The following TENM4 variants were observed in gnomAD, a reference collection of about 807,000 sequenced individuals.
TENM4 encodes the protein teneurin transmembrane protein 4, also known as teneurin-4.
In TENM4, 82 loss-of-function variants were observed where a neutral mutation model predicts 243.3. The observed-to-expected ratio is 0.34, with a 90% CI of 0.28 to 0.40. The LOEUF is 0.40. Ranked by LOEUF, TENM4 falls within the 10% of genes least tolerant of loss-of-function variation. The pLI is 1.00. For synonymous variants in TENM4, 1,412 were observed against 1,456.3 expected (o/e 0.97, Z 0.69); for missense variants, 3,138 against 3,673.3 (o/e 0.85, Z 3.77).
At chr11:79,249,999 T>G (rs1855582341) in intron 2 of TENM4, among the ~76,000 whole-genome samples, 1 of 152,206 alleles carries the variant, frequency 6.6e-6, no homozygotes, top group South Asian at 2.1e-4. Flanking sequence ...TTTCTTTTCT[T>G]TTTTTAGATG....
chr11:79,418,047 T>C (rs144176586), intron 1 of TENM4, among the ~76,000 whole-genome samples: 218 of 152,306 alleles, frequency 1.4e-3, no homozygotes, highest in African/African-American at 4.9e-3. Context: ...AGTAGTGGGA[T>C]TGTCTGTCTC....
intron 4 of TENM4, among the ~76,000 whole-genome samples, chr11:79,108,435 C>A (rs998956754): frequency 2.6e-5 from 4 of 152,090 alleles, no homozygotes; most frequent in African/African-American, 9.7e-5. Context: ...CCCACAATCA[C>A]GTGAGCCAAT....
chr11:79,353,406 C>G (rs1442639909), intron 1 of TENM4, among the ~76,000 whole-genome samples: 1 of 152,146 alleles, frequency 6.6e-6, no homozygotes, highest in Non-Finnish European at 1.5e-5. Context: ...GGCTTTCTGA[C>G]CTAAGCAATC....
At chr11:79,369,591 C>A (rs1857743447) in intron 1 of TENM4, among the ~76,000 whole-genome samples, 1 of 152,146 alleles carries the variant, frequency 6.6e-6, no homozygotes, top group South Asian at 2.1e-4. Flanking sequence ...TAGCAATTTA[C>A]CAGCAAGCCT....
In TENM4 at chr11:79,440,279, G is replaced by C. The variant is rs1018574926; in HGVS notation, c.-321+230C>G. On this transcript the variant is annotated intron_variant, in intron 1 of 33. Transcript: ENST00000278550. The surrounding 1 kb of genome is among the most constrained non-coding windows in gnomAD (Gnocchi z 4.7). ...CAGGCTCCAGTCCGCGGCGGGCTCC[G>C]GGGGCTGCGGCGGCTCCAGGCTCCA... 1.2e-4 allele frequency among the ~76,000 whole-genome samples: 17 copies of C among 147,194 alleles called. No individual in the cohort carries two copies. The highest frequency in any genetic ancestry group is 1.5e-4 in the Non-Finnish European group (10 of 66,494).
At chr11:79,065,319 T>C (rs1860217036) in intron 5 of TENM4, among the ~76,000 whole-genome samples, 1 of 152,220 alleles carries the variant, frequency 6.6e-6, no homozygotes, top group Non-Finnish European at 1.5e-5. Flanking sequence ...CCAGAGTCCT[T>C]GGGCCTGGTC....
chr11:78,667,355 T>C (rs184435272), intron 32 of TENM4, among the ~76,000 whole-genome samples: 245 of 152,270 alleles, frequency 1.6e-3, no homozygotes, highest in African/African-American at 5.5e-3. Context: ...AGAAACAGGG[T>C]CCAGGTGGGG....
At chr11:79,148,866 C>T in intron 3 of TENM4, 60 bp from the exon 4 acceptor site, 1 of 602,684 alleles carries the variant, frequency 1.7e-6, no homozygotes, top group Non-Finnish European at 2.1e-6. Flanking sequence ...TTCTGATAAG[C>T]AGTAGAGAAG....
intron 3 of TENM4, among the ~76,000 whole-genome samples, chr11:79,192,510 G>A (rs1261087492): frequency 6.6e-6 from 1 of 152,108 alleles, no homozygotes; most frequent in Admixed American, 6.5e-5. Flanking sequence ...TGTCCACTCA[G>A]GGTTAAATGG....
rs150809772 is a variant in TENM4 at position 79,056,319 on chromosome 11, C to A, written c.493+8419G>T. Among the ~76,000 whole-genome samples the A allele has an allele frequency of 7.9e-5, 12 of 152,196 alleles. No homozygotes were observed. The East Asian group carries it at 2.3e-3, about 30-fold the overall frequency. ...TGTCTTAATTTACCATGGCTCTGAG[C>A]CTTCCTTTTCCTCCCTTTCCCTTTC... is the stretch of plus-strand genomic sequence containing the variant. On this transcript the variant is annotated intron_variant, in intron 6 of 33. Coordinates refer to ENST00000278550, the MANE Select transcript of TENM4 (RefSeq NM_001098816.3).
chr11:79,247,325 G>T (rs1219966012), intron 2 of TENM4, among the ~76,000 whole-genome samples: 2 of 150,324 alleles, frequency 1.3e-5, no homozygotes, highest in African/African-American at 4.9e-5. Flanking sequence ...GCTGAGGCAG[G>T]AGAATCGCTT....
At chr11:79,357,212 G>T (rs1403115124) in intron 1 of TENM4, among the ~76,000 whole-genome samples, 1 of 152,198 alleles carries the variant, frequency 6.6e-6, no homozygotes, top group Non-Finnish European at 1.5e-5. Flanking sequence ...CTTGTCTGAG[G>T]ACTGGAGACT....
chr11:78,738,078 A>G (rs1855839810), intron 20 of TENM4, among the ~76,000 whole-genome samples: 1 of 152,228 alleles, frequency 6.6e-6, no homozygotes, highest in Non-Finnish European at 1.5e-5. Flanking sequence ...AATGGCTTAC[A>G]TAGATCTAAG....
At chr11:79,235,205 C>A (rs985014629) in intron 2 of TENM4, among the ~76,000 whole-genome samples, 11 of 151,832 alleles carry the variant, frequency 7.2e-5, no homozygotes, top group Non-Finnish European at 2.9e-5. Flanking sequence ...CCCAGCTACT[C>A]GGGAGGCTGA....
chr11:79,290,330 T>C (rs1173474131), intron 2 of TENM4, among the ~76,000 whole-genome samples: 2 of 152,246 alleles, frequency 1.3e-5, no homozygotes, highest in African/African-American at 2.4e-5. Flanking sequence ...TGTAATATTT[T>C]ATAAACATAG....
chr11:78,972,976 C>T (rs1219432672), intron 6 of TENM4, among the ~76,000 whole-genome samples: 1 of 152,214 alleles, frequency 6.6e-6, no homozygotes, highest in Non-Finnish European at 1.5e-5. Context: ...AATATTTTCT[C>T]AAGGGTTCAT....
chr11:78,771,908 T>C (rs1037941616), intron 17 of TENM4, among the ~76,000 whole-genome samples: 19 of 152,228 alleles, frequency 1.2e-4, no homozygotes, highest in South Asian at 1.2e-3. Context: ...CTGTCATTTA[T>C]TAAGCATCTT....
rs540787248 is a variant in TENM4, at chr11:79,224,217, G to T, written c.-264-8308C>A. Among the ~76,000 whole-genome samples the T allele has an allele frequency of 2.6e-5, 4 of 152,202 alleles. No homozygotes were observed. In the South Asian group the frequency reaches 6.2e-4, roughly 24 times the overall value. Reference sequence around the variant, plus strand: ...CCAGCATGGACTGACTGATCTGACAGATTCATGGGTCCCATGACGATTGTC... The same window carrying T: ...CCAGCATGGACTGACTGATCTGACATATTCATGGGTCCCATGACGATTGTC... On this transcript the variant is annotated intron_variant, in intron 2 of 33. Transcript: ENST00000278550.
intron 3 of TENM4, among the ~76,000 whole-genome samples, chr11:79,198,801 T>C (rs2135184877): frequency 6.6e-6 from 1 of 152,122 alleles, no homozygotes; most frequent in East Asian, 1.9e-4. Context: ...GAGCTTTCCT[T>C]CTGAGTGTGT....
Sources: gnomAD v4.1 joint callset for allele counts (sites outside exome capture counted in the v4.1 genomes callset) on GRCh38, gnomAD v4.1.1 for gene constraint, Gnocchi (gnomAD v3.1) non-coding constraint, MANE v1.5 for transcripts, NCBI Gene and HGNC (gene_info 2026-07-23, HGNC 2026-07-21) for gene names.